The following OR2T11 variants were observed in gnomAD, a reference collection of about 807,000 sequenced individuals.
OR2T11 encodes olfactory receptor family 2 subfamily T member 11, also known as olfactory receptor 2T11.
OR2T11 carries 14 observed loss-of-function variants against 13.5 expected under a neutral mutation model. The observed-to-expected ratio is 1.04, with a 90% CI of 0.69 to 1.62. The LOEUF is 1.62. OR2T11 is among the 40% of genes most tolerant of loss of function. The probability of loss-of-function intolerance (pLI) is 0.00; values close to 1 mark genes in which losing one functional copy is unlikely to be tolerated. For missense variants in OR2T11, 410 were observed against 389.7 expected, an observed-to-expected ratio of 1.05 and a Z score of -0.44; for synonymous variants, 163 against 154.6, an observed-to-expected ratio of 1.05 and a Z score of -0.40.
rs141900608 is a variant in OR2T11, at chr1:248,629,609, C to T, written c.-144-2337G>A. ...AAGTCACATCGGGACCCGTGCATCC[C>T]GCCACGCCACTTTCTGCTTGAAACC... is the stretch of plus-strand genomic sequence containing the variant. On this transcript the variant is annotated intron_variant, in intron 1 of 1. Coordinates refer to ENST00000641193, the MANE Select transcript of OR2T11 (RefSeq NM_001001964.2). 2.2e-3 allele frequency among the ~76,000 whole-genome samples: 309 copies of T among 138,036 alleles called. 44 individuals are homozygous for T. Among genetic ancestry groups the T allele is most frequent in the African/African-American group, 8.9e-3 (302 of 33,926 alleles). 90.6% of individuals were successfully genotyped at this position (138,036 alleles called of 152,430 possible). A position where few individuals can be genotyped will look rare whatever the true frequency, so the allele number is the denominator to read the frequency against.
At position 248,626,233 on chromosome 1, in the gene OR2T11, T is replaced by C. The variant is rs575988705; in HGVS notation, c.896A>G (p.Lys299Arg). 14 of 1,568,432 alleles carry C rather than the reference T, an allele frequency of 8.9e-6. 2 individuals are homozygous for C. The South Asian group carries it at 1.6e-4, about 18-fold the overall frequency. ...AGATGAGCAACATGCAAATACCTTT[T>C]TAAATGCCCCTATGACGTCCTTGTT... ...LRNKDVIGAFKKVFACCSSAQ... is the reference protein window; with the variant it reads ...LRNKDVIGAFRKVFACCSSAQ... The change falls in exon 2 of 2, where the codon AAA (lysine) becomes AGA (arginine). Residue 299 changes from lysine (K) to arginine (R), a missense_variant. Physicochemically the swap from Lys to Arg is conservative, Grantham distance 26. Coordinates refer to ENST00000641193, the MANE Select transcript of OR2T11 (RefSeq NM_001001964.2).
rs912590007 is a variant in OR2T11 at position 248,633,387 on chromosome 1, A to G, written c.-145+1651T>C. 8.4e-5 allele frequency among the ~76,000 whole-genome samples: 12 copies of G among 143,406 alleles called. 1 individual carries two copies. The highest frequency in any genetic ancestry group is 1.5e-4 in the Non-Finnish European group (10 of 66,330). 94.1% of individuals were successfully genotyped at this position (143,406 alleles called of 152,430 possible). On this transcript the variant is annotated intron_variant, in intron 1 of 1. Coordinates refer to ENST00000641193, the MANE Select transcript of OR2T11 (RefSeq NM_001001964.2). ...ACTGTATTCTCTATCTTTGAAATGA[A>G]ATCCCTTAATACATACACAGCATGT...
Position 248,626,193 on chromosome 1 carries a change from T to C in OR2T11, c.936A>G (p.Ala312=). Residue 312 remains alanine, a synonymous_variant, in exon 2 of 2, where the codon GCA becomes GCG. Transcript: ENST00000641193. ...FACCSSAQKV[A]TSDA ...CAGTGACTCTCTAAGCATCACTTGT[T>C]GCTACTTTCTGAGCAGATGAGCAAC... The C allele has an allele frequency of 6.6e-7, 1 of 1,510,716 alleles. No individual in the cohort carries two copies. Among genetic ancestry groups the C allele is most frequent in the Non-Finnish European group, 9.1e-7 (1 of 1,101,064 alleles). The allele number at this position is 1,510,716 out of a possible 1,614,324, so 93.6% of individuals were successfully genotyped here.
intron 1 of OR2T11, among the ~76,000 whole-genome samples, chr1:248,628,862 ACT>A (rs560064364): frequency 1.4e-5 from 2 of 143,160 alleles, no homozygotes; most frequent in Admixed American, 6.8e-5. Context: ...CGTGGTCAAA[ACT>A]CTACTTCAGT....
At chr1:248,630,152 A>G (rs2103102957) in intron 1 of OR2T11, among the ~76,000 whole-genome samples, 1 of 143,410 alleles carries the variant, frequency 7.0e-6, no homozygotes, top group African/African-American at 2.7e-5. Context: ...AATTCCTTCA[A>G]AACACCTCCT....
chr1:248,626,394 A>G lies in OR2T11; in HGVS notation c.735T>C (p.Val245=). 6.4e-7 allele frequency: 1 copy of G among 1,572,468 alleles called. No individual in the cohort carries two copies. The highest frequency in any genetic ancestry group is 8.6e-7 in the Non-Finnish European group (1 of 1,156,226). Residue 245 remains valine, a synonymous_variant, in exon 2 of 2, where the codon GTT becomes GTC. Transcript: ENST00000641193. ...FTTCSSHLTV[V]SIFYGAAFYT... ...AGAAGGCAGCCCCATAGAAGATGCT[A>G]ACTACAGTCAAGTGGGAGGAACAAG... is the stretch of plus-strand genomic sequence containing the variant.
At chr1:248,632,286 T>C (rs74382199) in intron 1 of OR2T11, among the ~76,000 whole-genome samples, 1,480 of 143,562 alleles carry the variant, frequency 0.01, 178 homozygotes, top group Middle Eastern at 0.048. Flanking sequence ...TGATAATTTT[T>C]TTCAACATAA....
chr1:248,630,667 A>G (rs1184388378), intron 1 of OR2T11, among the ~76,000 whole-genome samples: 2 of 144,230 alleles, frequency 1.4e-5, no homozygotes, highest in Non-Finnish European at 3.0e-5. Flanking sequence ...AATTGTCTTC[A>G]ATAATGCCAT....
Position 248,625,858 on chromosome 1 carries a change from T to G in OR2T11, c.*320A>C. The G allele has an allele frequency of 5.1e-6, 1 of 194,578 alleles. No homozygotes were observed. The highest frequency in any genetic ancestry group is 1.0e-5 in the Non-Finnish European group (1 of 98,500). 12.1% of individuals were successfully genotyped at this position (194,578 alleles called of 1,614,324 possible). The stretch of plus-strand genomic sequence containing the variant: ...TTTCTTTCATTGTGTTGTTTAAACA[T>G]GAACAAATGTTGTGAAGGAGATCTA... On this transcript the variant is annotated 3_prime_UTR_variant, in exon 2 of 2. Transcript: ENST00000641193.
At position 248,634,726 on chromosome 1, in the gene OR2T11, AGAACTTC is replaced by A. The variant is rs1660662387; in HGVS notation, c.-145+305_-145+311del. Among the ~76,000 whole-genome samples the A allele has an allele frequency of 2.7e-4, 4 of 15,058 alleles. 1 individual carries two copies. The highest frequency in any genetic ancestry group is 2.6e-3 in the Non-Finnish European group (3 of 1,162). 9.9% of individuals were successfully genotyped at this position (15,058 alleles called of 152,430 possible). ...TCACAGAATTGTCAGAATTCTTAGC[AGAACTTC>A]ACTTCATTTAAAGTCAGTTGTCCAA... On this transcript the variant is annotated intron_variant, in intron 1 of 1. Coordinates refer to ENST00000641193, the MANE Select transcript of OR2T11 (RefSeq NM_001001964.2).
At chr1:248,631,853 C>A (rs1461043636) in intron 1 of OR2T11, among the ~76,000 whole-genome samples, 1 of 143,410 alleles carries the variant, frequency 7.0e-6, no homozygotes, top group East Asian at 2.0e-4. Flanking sequence ...CATCTCCCAG[C>A]AGACATCATA....
chr1:248,634,630 T>C (rs1473281432), intron 1 of OR2T11, among the ~76,000 whole-genome samples: 6 of 139,472 alleles, frequency 4.3e-5, no homozygotes, highest in African/African-American at 1.7e-4. Flanking sequence ...TAAAGTTGTC[T>C]ATGAATACAA....
Position 248,626,780 on chromosome 1 carries a change from A to C in OR2T11, c.349T>G (p.Tyr117Asp). 2 of 1,569,362 alleles carry C rather than the reference A, an allele frequency of 1.3e-6. No homozygotes were observed. Among genetic ancestry groups the C allele is most frequent in the Non-Finnish European group, 1.7e-6 (2 of 1,154,254 alleles). ...TTACAGACAGCCACGTAGCAGTCAT[A>C]GGCCATGAGGCCCAGGAGGAAGAAC... is the stretch of plus-strand genomic sequence containing the variant. ...SEFFLLGLMA[Y>D]DCYVAVCNPL... Residue 117 changes from tyrosine to aspartate, a missense_variant, in exon 2 of 2, where the codon TAT becomes GAT. Physicochemically the swap from Tyr to Asp is radical, Grantham distance 160 (BLOSUM62 -3). Coordinates refer to ENST00000641193, the MANE Select transcript of OR2T11 (RefSeq NM_001001964.2).
chr1:248,630,698 T>C (rs1660597304), intron 1 of OR2T11, among the ~76,000 whole-genome samples: 1 of 144,192 alleles, frequency 6.9e-6, no homozygotes, highest in African/African-American at 2.7e-5. Flanking sequence ...AATTTGCTAC[T>C]TAAATTGAAC....
intron 1 of OR2T11, among the ~76,000 whole-genome samples, chr1:248,630,063 T>TG (rs1660582917): frequency 7.1e-6 from 1 of 141,634 alleles, no homozygotes; most frequent in African/African-American, 2.8e-5. Context: ...ACATTGTAAA[T>TG]CTTTGAATAA....
In OR2T11 at chr1:248,624,328, CAACTT is replaced by C. The variant is rs1250293375; in HGVS notation, c.*1845_*1849del. 1 of 141,358 alleles carries C rather than the reference CAACTT, an allele frequency of 7.1e-6. No homozygotes were observed. The highest frequency in any genetic ancestry group is 1.5e-5 in the Non-Finnish European group (1 of 66,222). 8.8% of individuals were successfully genotyped at this position (141,358 alleles called of 1,614,324 possible). On this transcript the variant is annotated 3_prime_UTR_variant, in exon 2 of 2. Coordinates refer to ENST00000641193, the MANE Select transcript of OR2T11 (RefSeq NM_001001964.2). ...ACAAAAAAATCTAAAAATTCATACTCAACTTACCTTATCCACTTCCTCCCCCTTGA... is the reference window on the plus strand; with the variant it reads ...ACAAAAAAATCTAAAAATTCATACTCACCTTATCCACTTCCTCCCCCTTGA...
intron 1 of OR2T11, among the ~76,000 whole-genome samples, chr1:248,629,388 G>A (rs1464711842): frequency 4.1e-5 from 5 of 121,228 alleles, no homozygotes; most frequent in Non-Finnish European, 1.7e-5. Context: ...GCAAGACCCT[G>A]TTTCTAAAAA....
chr1:248,628,990 AAAAG>A (rs1212151013), intron 1 of OR2T11, among the ~76,000 whole-genome samples: 1 of 143,954 alleles, frequency 6.9e-6, no homozygotes, highest in South Asian at 2.2e-4. Flanking sequence ...CCAAAAATAT[AAAAG>A]AAACATTCTA....
In OR2T11 at chr1:248,625,195, A is replaced by G. The variant is rs1249586964; in HGVS notation, c.*983T>C. On this transcript the variant is annotated 3_prime_UTR_variant, in exon 2 of 2. Coordinates refer to ENST00000641193, the MANE Select transcript of OR2T11 (RefSeq NM_001001964.2). Reference sequence around the variant, plus strand: ...GTTGCTAACACACGCCAAATCCATGAGCCAAATCCTTTGTGTCCACACCCT... The same window carrying G: ...GTTGCTAACACACGCCAAATCCATGGGCCAAATCCTTTGTGTCCACACCCT... The G allele has an allele frequency of 7.0e-6, 1 of 143,632 alleles. No individual in the cohort carries two copies. Among genetic ancestry groups the G allele is most frequent in the African/African-American group, 2.7e-5 (1 of 36,508 alleles). 8.9% of individuals were successfully genotyped at this position (143,632 alleles called of 1,614,324 possible).
Sources: gnomAD v4.1 joint callset for allele counts (sites outside exome capture counted in the v4.1 genomes callset) on GRCh38, gnomAD v4.1.1 for gene constraint, MANE v1.5 for transcripts, NCBI Gene and HGNC (gene_info 2026-07-23, HGNC 2026-07-21) for gene names.